ACOXL: variants seen among roughly 807,000 people sequenced by gnomAD.
ACOXL encodes acyl-coenzyme A oxidase-like protein.
In ACOXL, 70 loss-of-function variants were observed where a neutral mutation model predicts 71.9. That is an observed-to-expected ratio of 0.97 (90% CI 0.80 to 1.19). The LOEUF (loss-of-function observed/expected upper bound fraction) is 1.19. Ranked by LOEUF, ACOXL falls within the 50% of genes most tolerant of loss-of-function variation. The pLI, the probability that ACOXL is intolerant of heterozygous loss-of-function variation, is 0.00. For synonymous variants in ACOXL, 253 were observed against 281.6 expected (o/e 0.90, Z 1.02); for missense variants, 703 against 736.3 (o/e 0.95, Z 0.52).
At chr2:110,925,827 T>C (rs574657984) in intron 11 of ACOXL, among the ~76,000 whole-genome samples, 24 of 151,002 alleles carry the variant, frequency 1.6e-4, no homozygotes, top group African/African-American at 5.6e-4. Flanking sequence ...CAACATGCCT[T>C]CCTCACTAGG....
At chr2:110,993,425 C>T (rs1485463298) in intron 13 of ACOXL, among the ~76,000 whole-genome samples, 1 of 152,212 alleles carries the variant, frequency 6.6e-6, no homozygotes, top group Non-Finnish European at 1.5e-5. Context: ...GTGAAATTGG[C>T]ATAATACTTT....
At chr2:111,085,096 C>G (rs1419613177) in intron 16 of ACOXL, among the ~76,000 whole-genome samples, 1 of 152,102 alleles carries the variant, frequency 6.6e-6, no homozygotes, top group East Asian at 1.9e-4. Context: ...CTTAAGAGAC[C>G]TATGAAGAGA....
intron 9 of ACOXL, among the ~76,000 whole-genome samples, chr2:110,807,269 GA>G (rs2105379076): frequency 6.6e-6 from 1 of 152,348 alleles, no homozygotes; most frequent in East Asian, 1.9e-4. Flanking sequence ...CTTCATGTGT[GA>G]AATGGGTCTT....
Position 111,048,720 on chromosome 2 carries a change from A to G in ACOXL, c.1370-498A>G, listed in dbSNP as rs61191412. Among the ~76,000 whole-genome samples, 1,033 of 152,034 alleles carry G rather than the reference A, an allele frequency of 6.8e-3. 14 individuals carry two copies. The highest frequency in any genetic ancestry group is 0.024 in the African/African-American group (985 of 41,450). On this transcript the variant is annotated intron_variant, in intron 15 of 17. Transcript: ENST00000439055. ...TATTCTCCTTGAGAAGGTTGGTTGG[A>G]GAAAGACGACTTTATATATTTGGGG...
chr2:111,037,407 G>A (rs547650734), intron 15 of ACOXL, among the ~76,000 whole-genome samples: 12 of 152,234 alleles, frequency 7.9e-5, no homozygotes, highest in African/African-American at 2.6e-4. Flanking sequence ...GGGGAGAGGG[G>A]GAAGAAAGGC....
chr2:110,781,606 A>T (rs756755068), intron 2 of ACOXL, among the ~76,000 whole-genome samples: 1 of 151,938 alleles, frequency 6.6e-6, no homozygotes, highest in Non-Finnish European at 1.5e-5. Context: ...CGCACCATGC[A>T]CTCCAGCCTG....
intron 10 of ACOXL, among the ~76,000 whole-genome samples, chr2:110,904,918 G>T (rs1056214694): frequency 6.6e-6 from 1 of 152,088 alleles, no homozygotes; most frequent in African/African-American, 2.4e-5. Flanking sequence ...AGGAAGCAGC[G>T]GGAATGGGGT....
chr2:110,847,782 C>T (rs1439142271), intron 10 of ACOXL, among the ~76,000 whole-genome samples: 2 of 152,182 alleles, frequency 1.3e-5, no homozygotes, highest in Non-Finnish European at 2.9e-5. Context: ...GGGGAACCTG[C>T]GTGTGATCGA....
At chr2:110,858,643 A>C (rs1015766786) in intron 10 of ACOXL, among the ~76,000 whole-genome samples, 5 of 152,242 alleles carry the variant, frequency 3.3e-5, no homozygotes, top group Non-Finnish European at 7.3e-5. Context: ...AGATGTTTGT[A>C]ACCAGAACAG....
At chr2:111,085,179 G>GA (rs1309512078) in intron 16 of ACOXL, among the ~76,000 whole-genome samples, 2 of 152,088 alleles carry the variant, frequency 1.3e-5, no homozygotes, top group African/African-American at 2.4e-5. Flanking sequence ...CACTGAGGCA[G>GA]AAAAAACAAA....
chr2:111,096,224 A>AATTATTATT (rs67800488), intron 17 of ACOXL, among the ~76,000 whole-genome samples: 8,602 of 145,200 alleles, frequency 0.059, 297 homozygotes, highest in Middle Eastern at 0.079. Context: ...TTATTTTTAA[A>AATTATTATT]ATTATTATTA....
At chr2:111,061,159 C>T (rs776812842) in intron 16 of ACOXL, among the ~76,000 whole-genome samples, 5 of 152,116 alleles carry the variant, frequency 3.3e-5, no homozygotes, top group South Asian at 2.1e-4. Context: ...CATAAACCTA[C>T]GGATTCAAGA....
At chr2:110,787,267 A>G (rs1684079169) in intron 3 of ACOXL, among the ~76,000 whole-genome samples, 1 of 152,062 alleles carries the variant, frequency 6.6e-6, no homozygotes, top group Admixed American at 6.6e-5. Flanking sequence ...GGGTGCGGTG[A>G]CTCACGCTTG....
intron 10 of ACOXL, among the ~76,000 whole-genome samples, chr2:110,864,119 G>A (rs559323537): frequency 2.0e-5 from 3 of 152,134 alleles, no homozygotes; most frequent in Non-Finnish European, 4.4e-5. Flanking sequence ...GATGATCAAC[G>A]TTTCAGCAGG....
chr2:111,108,295 A>C (rs888063693), intron 17 of ACOXL, among the ~76,000 whole-genome samples: 1 of 150,976 alleles, frequency 6.6e-6, no homozygotes, highest in African/African-American at 2.4e-5. Flanking sequence ...GTTCCCCCCA[A>C]ATTGCTTTGT....
intron 1 of ACOXL, among the ~76,000 whole-genome samples, chr2:110,751,777 C>T (rs1239325081): frequency 2.0e-5 from 3 of 152,170 alleles, no homozygotes; most frequent in Non-Finnish European, 4.4e-5. Flanking sequence ...GTGTGTTTTT[C>T]ACCCCAGTAT....
intron 11 of ACOXL, among the ~76,000 whole-genome samples, chr2:110,911,048 T>C (rs1330394536): frequency 1.3e-5 from 2 of 151,992 alleles, no homozygotes; most frequent in African/African-American, 4.8e-5. Flanking sequence ...AATCAGGTGG[T>C]AGGTCTGACC....
At chr2:111,032,224 G>A (rs760714663) in intron 15 of ACOXL, among the ~76,000 whole-genome samples, 17 of 152,182 alleles carry the variant, frequency 1.1e-4, no homozygotes, top group Admixed American at 3.3e-4. Flanking sequence ...ATTTTGCAAC[G>A]TTTGGATGTT....
At chr2:110,878,000 T>C (rs1696137578) in intron 10 of ACOXL, among the ~76,000 whole-genome samples, 2 of 152,354 alleles carry the variant, frequency 1.3e-5, no homozygotes, top group Non-Finnish European at 2.9e-5. Flanking sequence ...GGAAGCACTC[T>C]TGGATTATTT....
Sources: allele counts gnomAD v4.1 joint callset (sites outside exome capture counted in the v4.1 genomes callset), GRCh38; gene constraint gnomAD v4.1.1; transcripts MANE v1.5; gene names NCBI Gene and HGNC (gene_info 2026-07-23, HGNC 2026-07-21).